TANGO2: variants seen among roughly 807,000 people sequenced by gnomAD.
TANGO2 encodes transport and Golgi organization protein 2 homolog.
In TANGO2, 26 loss-of-function variants were observed where a neutral mutation model predicts 39.1. That is an observed-to-expected ratio of 0.67 (90% CI 0.49 to 0.92). TANGO2 has a LOEUF of 0.92. Ranked by LOEUF, TANGO2 falls within the 40% of genes least tolerant of loss-of-function variation. The pLI is 0.00. For synonymous variants in TANGO2, 131 were observed against 144.5 expected, an observed-to-expected ratio of 0.91 and a Z score of 0.67; for missense variants, 326 against 360.1, an observed-to-expected ratio of 0.91 and a Z score of 0.77.
intron 1 of TANGO2, among the ~76,000 whole-genome samples, chr22:20,033,875 G>A (rs780685467): frequency 3.9e-5 from 6 of 152,230 alleles, no homozygotes; most frequent in Non-Finnish European, 8.8e-5. Flanking sequence ...GCTTTAATGT[G>A]CAGTCACTGA....
Position 20,064,955 on chromosome 22 carries a change from A to T in TANGO2, c.*293A>T. On this transcript the variant is annotated 3_prime_UTR_variant, in exon 9 of 9. Transcript: ENST00000327374. The stretch of plus-strand genomic sequence containing the variant: ...CCCACTCTTGCACATGTACACAGGC[A>T]CTCACATGGCACACACATACACTCC... 1 of 393,312 alleles carries T rather than the reference A, an allele frequency of 2.5e-6. No individual in the cohort carries two copies. The highest frequency in any genetic ancestry group is 4.7e-6 in the Non-Finnish European group (1 of 212,514). 24.4% of individuals were successfully genotyped at this position (393,312 alleles called of 1,614,324 possible). A position where few individuals can be genotyped will look rare whatever the true frequency, so the allele number is the denominator to read the frequency against.
intron 1 of TANGO2, among the ~76,000 whole-genome samples, chr22:20,023,524 T>C (rs1283958930): frequency 1.3e-5 from 2 of 152,164 alleles, no homozygotes; most frequent in Non-Finnish European, 2.9e-5. Flanking sequence ...CCCGGAAGCA[T>C]TGTGAAGATC....
rs184726204 is a variant in TANGO2 at position 20,056,680 on chromosome 22, T to C, written c.451+667T>C. ...GTCACATTGCCCCCCTCTGCAGCCA[T>C]GTTCTGGGAGGGAGGTCTGCATCTT... is the stretch of plus-strand genomic sequence containing the variant. On this transcript the variant is annotated intron_variant, in intron 6 of 8. Coordinates refer to ENST00000327374, the MANE Select transcript of TANGO2 (RefSeq NM_152906.7). 3.3e-5 allele frequency: 15 copies of C among 456,666 alleles called. No individual in the cohort carries two copies. In the East Asian group the frequency reaches 1.0e-3, roughly 32 times the overall value. The allele number at this position is 456,666 out of a possible 1,614,324, so 28.3% of individuals were successfully genotyped here. A position where few individuals can be genotyped will look rare whatever the true frequency, so the allele number is the denominator to read the frequency against.
intron 2 of TANGO2, among the ~76,000 whole-genome samples, chr22:20,039,033 C>G (rs572607469): frequency 1.3e-5 from 2 of 151,854 alleles, no homozygotes; most frequent in Non-Finnish European, 1.5e-5. Flanking sequence ...CTCAAACTCG[C>G]CGGCTCAAGC....
At chr22:20,061,740 G>C in intron 7 of TANGO2, 57 bp downstream of exon 7, 1 of 1,488,638 alleles carries the variant, frequency 6.7e-7, no homozygotes. Flanking sequence ...AGGGCAGAGG[G>C]AAAGGCAGGC....
chr22:20,064,782 C>G lies in TANGO2; in HGVS notation c.*120C>G. Reference sequence around the variant, plus strand: ...TGCCCGTGGCTTGGCCAGCATCCCCCGGATCAGGGCCCTGTGGTTTGCGTG... The same window carrying G: ...TGCCCGTGGCTTGGCCAGCATCCCCGGGATCAGGGCCCTGTGGTTTGCGTG... On this transcript the variant is annotated 3_prime_UTR_variant, in exon 9 of 9. Transcript: ENST00000327374. 4.7e-6 allele frequency: 6 copies of G among 1,281,244 alleles called. No individual in the cohort carries two copies. The highest frequency in any genetic ancestry group is 6.4e-6 in the Non-Finnish European group (6 of 937,300). 79.4% of individuals were successfully genotyped at this position (1,281,244 alleles called of 1,614,324 possible). A position where few individuals can be genotyped will look rare whatever the true frequency, so the allele number is the denominator to read the frequency against.
At chr22:20,056,378 C>T in intron 6 of TANGO2, 1 of 504,970 alleles carries the variant, frequency 2.0e-6, no homozygotes, top group Non-Finnish European at 3.9e-6. Context: ...GGGGTTCTTG[C>T]CTGGTCTGCT....
In TANGO2 at chr22:20,045,745, C is replaced by T. The variant is rs150733865; in HGVS notation, c.145+2302C>T. Among the ~76,000 whole-genome samples, 381 of 152,144 alleles carry T rather than the reference C, an allele frequency of 2.5e-3. 1 individual carries two copies. Among genetic ancestry groups the T allele is most frequent in the African/African-American group, 8.2e-3 (340 of 41,510 alleles). ...CTTGAACTCCCGACCTCAGGTGATC[C>T]GCCCGCCTTGTCCTCCCAAAGTGCT... On this transcript the variant is annotated intron_variant, in intron 3 of 8. Coordinates refer to ENST00000327374, the MANE Select transcript of TANGO2 (RefSeq NM_152906.7).
intron 6 of TANGO2, chr22:20,056,875 C>G (rs528359292): frequency 6.6e-6 from 3 of 456,678 alleles, no homozygotes; most frequent in South Asian, 4.6e-5. Context: ...AACTCTGTGC[C>G]TTAAACGCCC....
Position 20,064,785 on chromosome 22 carries a change from A to G in TANGO2, c.*123A>G. The G allele has an allele frequency of 7.8e-7, 1 of 1,276,192 alleles. No homozygotes were observed. The highest frequency in any genetic ancestry group is 1.1e-6 in the Non-Finnish European group (1 of 933,482). The allele number at this position is 1,276,192 out of a possible 1,614,324, so 79.1% of individuals were successfully genotyped here. A position where few individuals can be genotyped will look rare whatever the true frequency, so the allele number is the denominator to read the frequency against. ...CCGTGGCTTGGCCAGCATCCCCCGGATCAGGGCCCTGTGGTTTGCGTGTTA... is the reference window on the plus strand; with the variant it reads ...CCGTGGCTTGGCCAGCATCCCCCGGGTCAGGGCCCTGTGGTTTGCGTGTTA... On this transcript the variant is annotated 3_prime_UTR_variant, in exon 9 of 9. Coordinates refer to ENST00000327374, the MANE Select transcript of TANGO2 (RefSeq NM_152906.7).
chr22:20,035,732 G>T (rs1005960533), intron 1 of TANGO2, among the ~76,000 whole-genome samples: 13 of 152,334 alleles, frequency 8.5e-5, no homozygotes, highest in African/African-American at 3.1e-4. Flanking sequence ...GGGCCATGCT[G>T]TTGGAGGCGG....
intron 2 of TANGO2, among the ~76,000 whole-genome samples, chr22:20,039,837 C>A (rs1490962473): frequency 1.3e-5 from 2 of 149,490 alleles, no homozygotes; most frequent in East Asian, 4.0e-4. Flanking sequence ...CACACACTCA[C>A]CCCCCGGCAG....
intron 5 of TANGO2, chr22:20,053,882 C>G (rs1035043001): frequency 2.3e-5 from 9 of 397,314 alleles, no homozygotes; most frequent in African/African-American, 1.6e-4. Flanking sequence ...CTCCGCAGCC[C>G]TGGCTTGGAG....
At chr22:20,038,308 C>G (rs1308054945) in intron 2 of TANGO2, among the ~76,000 whole-genome samples, 1 of 152,196 alleles carries the variant, frequency 6.6e-6, no homozygotes, top group East Asian at 1.9e-4. Flanking sequence ...TTGCAGCCGC[C>G]TGGTCTGTGG....
intron 2 of TANGO2, among the ~76,000 whole-genome samples, chr22:20,042,929 C>G (rs2044249650): frequency 6.6e-6 from 1 of 152,112 alleles, no homozygotes; most frequent in Non-Finnish European, 1.5e-5. Context: ...GCCATTCAAT[C>G]TGTATCCTTG....
At chr22:20,055,659 G>C (rs540702771) in intron 5 of TANGO2, 1 of 511,864 alleles carries the variant, frequency 2.0e-6, no homozygotes, top group Non-Finnish European at 3.6e-6. Context: ...CCATGCCATG[G>C]GGCATTCGGC....
At chr22:20,056,590 C>T (rs1198229454) in intron 6 of TANGO2, 5 of 456,772 alleles carry the variant, frequency 1.1e-5, no homozygotes, top group South Asian at 6.2e-5. Flanking sequence ...CTTCCTTTCC[C>T]CCTCCTCGGG....
intron 1 of TANGO2, among the ~76,000 whole-genome samples, chr22:20,022,074 A>G (rs2146627002): frequency 6.6e-6 from 1 of 152,364 alleles, no homozygotes; most frequent in South Asian, 2.1e-4. Flanking sequence ...ATGTGACGGC[A>G]GCTATAAGGG....
chr22:20,056,832 G>T (rs1239392937), intron 6 of TANGO2: 1 of 456,646 alleles, frequency 2.2e-6, no homozygotes, highest in Admixed American at 2.3e-5. Flanking sequence ...CACACTCGCT[G>T]CCCACAGACA....
Sources: allele counts gnomAD v4.1 joint callset (sites outside exome capture counted in the v4.1 genomes callset), GRCh38; gene constraint gnomAD v4.1.1; transcripts MANE v1.5; gene names NCBI Gene and HGNC (gene_info 2026-07-23, HGNC 2026-07-21).